The following RASEF variants were observed in gnomAD, a reference collection of about 807,000 sequenced individuals.
The protein encoded by RASEF is RAS and EF-hand domain containing.
In RASEF, 68 loss-of-function variants were observed where a neutral mutation model predicts 90.1. The observed-to-expected ratio is 0.75, with a 90% CI of 0.62 to 0.92. The LOEUF (loss-of-function observed/expected upper bound fraction) is 0.92, where lower values mean the gene tolerates loss of function less well. Among genes scored for constraint, RASEF ranks in the 40% least tolerant of loss-of-function variants. The pLI is 0.00. For missense variants in RASEF, 949 were observed against 937.2 expected, an observed-to-expected ratio of 1.01 and a Z score of -0.16; for synonymous variants, 331 against 345.2, an observed-to-expected ratio of 0.96 and a Z score of 0.46.
At chr9:83,054,853 G>GTGCCC (rs1830074147) in intron 1 of RASEF, 1 of 151,878 alleles carries the variant, frequency 6.6e-6, no homozygotes, top group African/African-American at 2.5e-5. Context: ...CAGTTAGGCT[G>GTGCCC]CTTGGGGGTC....
chr9:83,021,961 G>GTATGGAAAGTCAAGCCACCT (rs1185638290), intron 3 of RASEF, among the ~76,000 whole-genome samples: 27 of 152,090 alleles, frequency 1.8e-4, no homozygotes, highest in African/African-American at 6.5e-4. Context: ...GCAGACACAG[G>GTATGGAAAGTCAAGCCACCT]TATGGAAAGT....
Position 83,062,525 on chromosome 9 carries a change from G to GCGCCGC in RASEF, c.337_342dup (p.Ala113_Ala114dup). 1 of 1,608,638 alleles carries GCGCCGC rather than the reference G, an allele frequency of 6.2e-7. No homozygotes were observed. The highest frequency in any genetic ancestry group is 8.5e-7 in the Non-Finnish European group (1 of 1,178,076). On this transcript the variant is annotated inframe_insertion, in exon 1 of 17. Transcript: ENST00000376447. ...CTCGCCGGGCCGCACGAGGTGGCCA[G>GCGCCGC]CGCCGCCGCCGCGTCCTCGTCGCCT...
the RASEF span, among the ~76,000 whole-genome samples, chr9:83,162,213 A>G: frequency 2.7e-4 from 41 of 152,232 alleles, no homozygotes; most frequent in African/African-American, 9.2e-4. Flanking sequence ...TTCAATAAAA[A>G]TATGATTTAC....
intron 8 of RASEF, among the ~76,000 whole-genome samples, chr9:83,004,887 T>A (rs1829100893): frequency 6.6e-6 from 1 of 152,176 alleles, no homozygotes; most frequent in African/African-American, 2.4e-5. Flanking sequence ...GCAACTCAAC[T>A]TCCTTGAATG....
At chr9:82,999,602 A>C (rs895972866) in intron 12 of RASEF, among the ~76,000 whole-genome samples, 6 of 151,404 alleles carry the variant, frequency 4.0e-5, no homozygotes, top group East Asian at 1.9e-4. Flanking sequence ...CTAAGCAGAT[A>C]TCTCTCTTTT....
chr9:83,061,654 C>T (rs570256892), intron 1 of RASEF, among the ~76,000 whole-genome samples: 9 of 152,208 alleles, frequency 5.9e-5, no homozygotes, highest in South Asian at 2.1e-4. Flanking sequence ...CACCTGCAGG[C>T]ATCCCCTTAC....
rs944893322 is a variant in RASEF at position 82,980,118 on chromosome 9, A to T, written c.*2559T>A. The T allele has an allele frequency of 6.6e-6, 1 of 152,248 alleles. No homozygotes were observed. The highest frequency in any genetic ancestry group is 1.5e-5 in the Non-Finnish European group (1 of 68,048). 9.4% of individuals were successfully genotyped at this position (152,248 alleles called of 1,614,324 possible). ...AAATTAAAATATTTTACAATGTATC[A>T]GGATACATTTAAAAAAGGACTGTAG... On this transcript the variant is annotated 3_prime_UTR_variant, in exon 17 of 17. Transcript: ENST00000376447.
At chr9:83,015,676 T>C (rs1290574137) in intron 4 of RASEF, 129 bp downstream of exon 4, 7 of 750,258 alleles carry the variant, frequency 9.3e-6, no homozygotes, top group East Asian at 7.5e-5. Flanking sequence ...CAAGACTCAG[T>C]CTCAAAACAA....
intron 1 of RASEF, among the ~76,000 whole-genome samples, chr9:83,058,721 G>A (rs1044652751): frequency 9.2e-5 from 14 of 152,096 alleles, no homozygotes; most frequent in Admixed American, 5.9e-4. Context: ...CAATTAAATG[G>A]GATTGCTGTC....
chr9:82,983,156 C>CACACACACACACA (rs1828648690), intron 16 of RASEF, among the ~76,000 whole-genome samples: 1 of 143,018 alleles, frequency 7.0e-6, no homozygotes, highest in African/African-American at 2.6e-5. Context: ...CACACACACA[C>CACACACACACACA]CCTTCTCCCC....
chr9:83,107,511 A>G, the RASEF span, among the ~76,000 whole-genome samples: 1 of 151,726 alleles, frequency 6.6e-6, no homozygotes, highest in South Asian at 2.1e-4. Context: ...TTCTATTTCC[A>G]TTTTCTTATT....
the RASEF span, among the ~76,000 whole-genome samples, chr9:83,200,111 T>G: frequency 6.6e-3 from 1,010 of 152,302 alleles, 14 homozygotes; most frequent in African/African-American, 0.023. Flanking sequence ...CCGGGCGCGG[T>G]GGCTCACGTC....
chr9:83,136,059 G>A, the RASEF span, among the ~76,000 whole-genome samples: 3,124 of 151,586 alleles, frequency 0.021, 119 homozygotes, highest in African/African-American at 0.072. Flanking sequence ...ATATAGTAGC[G>A]GGACTGCTTT....
chr9:83,044,491 A>G (rs1360131059), intron 1 of RASEF, among the ~76,000 whole-genome samples: 1 of 152,122 alleles, frequency 6.6e-6, no homozygotes, highest in African/African-American at 2.4e-5. Flanking sequence ...ATGTAGGGCA[A>G]GCCTTTTCTT....
At chr9:83,149,987 G>T in the RASEF span, among the ~76,000 whole-genome samples, 1 of 152,148 alleles carries the variant, frequency 6.6e-6, no homozygotes, top group Non-Finnish European at 1.5e-5. Flanking sequence ...TTTCAGACAC[G>T]ATTAGTGAGT....
chr9:83,014,159 G>A (rs1829300786), intron 4 of RASEF, among the ~76,000 whole-genome samples: 1 of 152,196 alleles, frequency 6.6e-6, no homozygotes, highest in East Asian at 1.9e-4. Flanking sequence ...TGTAAGCATA[G>A]TATGCATGGC....
chr9:83,203,483 C>T, the RASEF span, among the ~76,000 whole-genome samples: 5,094 of 152,034 alleles, frequency 0.034, 286 homozygotes, highest in African/African-American at 0.12. Flanking sequence ...ATCATGTTGG[C>T]CAGGCTGGTC....
chr9:83,124,829 G>A, the RASEF span, among the ~76,000 whole-genome samples: 1 of 152,184 alleles, frequency 6.6e-6, no homozygotes, highest in African/African-American at 2.4e-5. Flanking sequence ...AAAAAGCAAA[G>A]GTGGCAGAGA....
chr9:83,209,309 G>T, the RASEF span, among the ~76,000 whole-genome samples: 1 of 152,236 alleles, frequency 6.6e-6, no homozygotes, highest in Admixed American at 6.5e-5. Context: ...TTCACAGTAA[G>T]TTACACACTT....
Sources: gnomAD v4.1 joint callset for allele counts (sites outside exome capture counted in the v4.1 genomes callset) on GRCh38, gnomAD v4.1.1 for gene constraint, MANE v1.5 for transcripts, NCBI Gene and HGNC (gene_info 2026-07-23, HGNC 2026-07-21) for gene names.